NAALADL2: variants seen among roughly 807,000 people sequenced by gnomAD.
NAALADL2 encodes N-acetylated alpha-linked acidic dipeptidase like 2.
In NAALADL2, 76 loss-of-function variants were observed where a neutral mutation model predicts 87.2. The observed-to-expected ratio is 0.87, with a 90% CI of 0.72 to 1.05. The LOEUF is 1.05. Ranked by LOEUF, NAALADL2 falls within the 50% of genes least tolerant of loss-of-function variation. The pLI is 0.00. For missense variants in NAALADL2, 1,089 were observed against 945.8 expected (o/e 1.15, Z -1.99); for synonymous variants, 354 against 331.0 (o/e 1.07, Z -0.75).
At chr3:175,689,089 A>G (rs992955841) in intron 11 of NAALADL2, among the ~76,000 whole-genome samples, 1 of 152,192 alleles carries the variant, frequency 6.6e-6, no homozygotes, top group Non-Finnish European at 1.5e-5. Context: ...TTATGGAAAT[A>G]TCTGACAAAG....
At chr3:174,877,189 T>C (rs1728617501) in intron 1 of NAALADL2, among the ~76,000 whole-genome samples, 2 of 152,140 alleles carry the variant, frequency 1.3e-5, no homozygotes, top group Admixed American at 6.6e-5. Context: ...AGTCCATAAG[T>C]TGTGCTATTC....
intron 2 of NAALADL2, among the ~76,000 whole-genome samples, chr3:174,714,668 A>G (rs1731008258): frequency 6.6e-6 from 1 of 152,170 alleles, no homozygotes; most frequent in African/African-American, 2.4e-5. Context: ...ACTTTGCTGA[A>G]GTTGCTTATC....
At chr3:175,677,359 C>CA (rs113531403) in intron 11 of NAALADL2, among the ~76,000 whole-genome samples, 260 of 144,862 alleles carry the variant, frequency 1.8e-3, no homozygotes, top group East Asian at 5.0e-3. Context: ...GAGACTCTGT[C>CA]AAAAAAAAAA....
chr3:175,193,049 A>G (rs1221220446), intron 2 of NAALADL2, among the ~76,000 whole-genome samples: 1 of 151,988 alleles, frequency 6.6e-6, no homozygotes, highest in Non-Finnish European at 1.5e-5. Context: ...ATAAAAGAAT[A>G]CTACTCAGAT....
chr3:175,586,812 T>C (rs1720602481), intron 10 of NAALADL2, among the ~76,000 whole-genome samples: 1 of 152,188 alleles, frequency 6.6e-6, no homozygotes, highest in African/African-American at 2.4e-5. Context: ...ACAACCATAA[T>C]ACATATAAGA....
intron 2 of NAALADL2, among the ~76,000 whole-genome samples, chr3:174,574,466 A>G (rs1439311309): frequency 6.6e-6 from 1 of 152,154 alleles, no homozygotes; most frequent in Non-Finnish European, 1.5e-5. Flanking sequence ...GATAAAAAGT[A>G]TGTTATGAAC....
chr3:175,359,091 AC>A (rs1283369273), intron 5 of NAALADL2, among the ~76,000 whole-genome samples: 3 of 152,090 alleles, frequency 2.0e-5, no homozygotes, highest in Non-Finnish European at 4.4e-5. Flanking sequence ...ATTCCTATCC[AC>A]CAATGCTCAT....
intron 11 of NAALADL2, among the ~76,000 whole-genome samples, chr3:175,666,147 G>A (rs549714167): frequency 6.6e-6 from 1 of 152,014 alleles, no homozygotes; most frequent in Non-Finnish European, 1.5e-5. Context: ...ATGCAAGACT[G>A]CCTTCTGTGG....
intron 2 of NAALADL2, among the ~76,000 whole-genome samples, chr3:174,698,790 G>A (rs1328992846): frequency 7.4e-6 from 1 of 134,276 alleles, no homozygotes; most frequent in Non-Finnish European, 1.5e-5. Flanking sequence ...CGTGAACCCG[G>A]GAGGCGGAGC....
intron 4 of NAALADL2, among the ~76,000 whole-genome samples, chr3:175,264,624 G>A (rs955930702): frequency 3.7e-4 from 56 of 151,426 alleles, no homozygotes; most frequent in African/African-American, 1.3e-3. Context: ...TGTTTTTGTG[G>A]AATAAAACAG....
intron 2 of NAALADL2, among the ~76,000 whole-genome samples, chr3:175,160,128 T>A (rs1422841845): frequency 3.3e-5 from 5 of 151,684 alleles, no homozygotes; most frequent in African/African-American, 1.2e-4. Context: ...TGTGAGTCAC[T>A]TTGTCAGGCC....
chr3:174,900,636 T>C (rs1732190753), intron 1 of NAALADL2, among the ~76,000 whole-genome samples: 1 of 152,000 alleles, frequency 6.6e-6, no homozygotes, highest in African/African-American at 2.4e-5. Context: ...CATAAAATTA[T>C]TTGTAGTATA....
chr3:175,429,176 T>A (rs1717315064), intron 5 of NAALADL2, among the ~76,000 whole-genome samples: 1 of 125,512 alleles, frequency 8.0e-6, no homozygotes, highest in South Asian at 2.8e-4. Flanking sequence ...TATATATATG[T>A]ACACACACAC....
At chr3:174,924,332 A>G (rs1369190495) in intron 1 of NAALADL2, among the ~76,000 whole-genome samples, 1 of 150,690 alleles carries the variant, frequency 6.6e-6, no homozygotes, top group Non-Finnish European at 1.5e-5. Context: ...TGTCCCTGTG[A>G]TAGTTTGCTG....
intron 3 of NAALADL2, among the ~76,000 whole-genome samples, chr3:174,850,302 T>C (rs1725106917): frequency 6.6e-6 from 1 of 152,158 alleles, no homozygotes; most frequent in African/African-American, 2.4e-5. Flanking sequence ...GTTATTTGCC[T>C]CTTTTGCTGC....
At chr3:175,301,208 T>C (rs1296269046) in intron 4 of NAALADL2, among the ~76,000 whole-genome samples, 2 of 152,172 alleles carry the variant, frequency 1.3e-5, no homozygotes. Context: ...TGTGGGCATT[T>C]AGTGCTATAA....
chr3:174,723,750 C>T (rs1439831338), intron 2 of NAALADL2, among the ~76,000 whole-genome samples: 230 of 69,666 alleles, frequency 3.3e-3, no homozygotes, highest in Middle Eastern at 0.019. Context: ...AGCAAGACTC[C>T]GTCTCAAAAA....
chr3:174,987,587 A>C (rs1471622822), intron 1 of NAALADL2, among the ~76,000 whole-genome samples: 5 of 141,926 alleles, frequency 3.5e-5, no homozygotes, highest in South Asian at 2.1e-4. Context: ...AAAAAAAAAA[A>C]AAAAAAAAAA....
intron 6 of NAALADL2, among the ~76,000 whole-genome samples, chr3:175,462,237 T>C (rs1359356262): frequency 1.3e-5 from 2 of 152,080 alleles, no homozygotes; most frequent in African/African-American, 4.8e-5. Context: ...AAACCTAAAA[T>C]GCTCTAAGAA....
Sources: allele counts gnomAD v4.1 joint callset (sites outside exome capture counted in the v4.1 genomes callset), GRCh38; gene constraint gnomAD v4.1.1; transcripts MANE v1.5; gene names NCBI Gene and HGNC (gene_info 2026-07-23, HGNC 2026-07-21).